The following HCN2 variants were observed in gnomAD, a reference collection of about 807,000 sequenced individuals.
HCN2 encodes hyperpolarization activated cyclic nucleotide gated potassium and sodium channel 2.
Under a neutral mutation model 52.3 loss-of-function variants are expected in HCN2, and 20 were observed. The ratio of observed to expected loss-of-function variants is 0.38; its 90% CI spans 0.27 to 0.56. The LOEUF (loss-of-function observed/expected upper bound fraction) is 0.56, where lower values mean the gene tolerates loss of function less well. Among genes scored for constraint, HCN2 ranks in the 20% least tolerant of loss-of-function variants. HCN2 has a pLI of 0.71. For synonymous variants in HCN2, 694 were observed against 537.0 expected, an observed-to-expected ratio of 1.29 and a Z score of -4.04; for missense variants, 981 against 1,207.7, an observed-to-expected ratio of 0.81 and a Z score of 2.78.
chr19:615,824 G>C lies in HCN2; in HGVS notation c.2020G>C (p.Val674Leu). 6.2e-7 allele frequency: 1 copy of C among 1,612,426 alleles called. No individual in the cohort carries two copies. The highest frequency in any genetic ancestry group is 1.1e-5 in the South Asian group (1 of 90,968). The change falls in exon 8 of 8, where the codon GTG becomes CTG. Residue 674 changes from valine to leucine, a missense_variant. This residue lies in a region of HCN2 where 368 missense variants were observed against 314.8 expected (regional missense o/e 1.17). Transcript: ENST00000251287. ...GKKNSILLHK[V>L]QHDLNSGVFN... ...GAAGAATTCCATCCTCCTGCACAAG[G>C]TGCAGCATGACCTCAACTCGGGCGT...
intron 1 of HCN2, among the ~76,000 whole-genome samples, chr19:598,079 G>A (rs540056491): frequency 5.3e-5 from 8 of 152,298 alleles, no homozygotes; most frequent in Middle Eastern, 3.4e-3. Context: ...GAGCCCCCTC[G>A]GGGCTGAGGG....
intron 1 of HCN2, among the ~76,000 whole-genome samples, chr19:599,888 G>GTGTGTT (rs1983150957): frequency 6.8e-6 from 1 of 147,812 alleles, no homozygotes; most frequent in South Asian, 2.2e-4. Flanking sequence ...GTGTGTGTGT[G>GTGTGTT]TGTGTGTGTC....
At position 616,927 on chromosome 19, in the gene HCN2, G is replaced by A. The variant is rs911768436; in HGVS notation, c.*453G>A. ...TCGCGCTCACGCAATAACCGGCCCG[G>A]CCCCCGTCCGCGCGCGTCCCCCGGT... On this transcript the variant is annotated 3_prime_UTR_variant, in exon 8 of 8. Transcript: ENST00000251287. 1.9e-5 allele frequency: 7 copies of A among 362,890 alleles called. No homozygotes were observed. The highest frequency in any genetic ancestry group is 1.4e-4 in the East Asian group (2 of 13,976). 22.5% of individuals were successfully genotyped at this position (362,890 alleles called of 1,614,324 possible). A position where few individuals can be genotyped will look rare whatever the true frequency, so the allele number is the denominator to read the frequency against.
At chr19:615,693 G>A (rs1568369952) in intron 7 of HCN2, 102 bp from the exon 8 acceptor site, 2 of 1,086,696 alleles carry the variant, frequency 1.8e-6, no homozygotes, top group African/African-American at 1.6e-5. Flanking sequence ...TGCTCTACAC[G>A]GCAAGCACTG....
rs969593003 is a variant in HCN2, at chr19:590,844, G to A, written c.632+267G>A. 4.1e-6 allele frequency: 1 copy of A among 246,006 alleles called. No homozygotes were observed. The highest frequency in any genetic ancestry group is 7.8e-6 in the Non-Finnish European group (1 of 128,954). 15.2% of individuals were successfully genotyped at this position (246,006 alleles called of 1,614,324 possible). On this transcript the variant is annotated intron_variant, in intron 1 of 7. Coordinates refer to ENST00000251287, the MANE Select transcript of HCN2 (RefSeq NM_001194.4). The surrounding 1 kb of genome is among the most constrained non-coding windows in gnomAD (Gnocchi z 7.2). Reference sequence around the variant, plus strand: ...CTCCGCCCTGCGGCGCGGCGGGTGGGGTGGGCCGCAGGGCCAGGGTCTGAG... The same window carrying A: ...CTCCGCCCTGCGGCGCGGCGGGTGGAGTGGGCCGCAGGGCCAGGGTCTGAG...
Position 590,713 on chromosome 19 carries a change from GCGTGTCCGGGACCC to G in HCN2, c.632+137_632+150del. 1 of 602,988 alleles carries G rather than the reference GCGTGTCCGGGACCC, an allele frequency of 1.7e-6. No individual in the cohort carries two copies. Among genetic ancestry groups the G allele is most frequent in the Non-Finnish European group, 2.3e-6 (1 of 426,646 alleles). The allele number at this position is 602,988 out of a possible 1,614,324, so 37.4% of individuals were successfully genotyped here. On this transcript the variant is annotated intron_variant, in intron 1 of 7. Transcript: ENST00000251287. The surrounding 1 kb of genome is among the most constrained non-coding windows in gnomAD (Gnocchi z 7.2). The stretch of plus-strand genomic sequence containing the variant: ...CCTCGGGGCTCCTCGGTGACCTCGG[GCGTGTCCGGGACCC>G]GCCCCGGAGTGACCCCGGCGCGCGA...
chr19:614,806 C>T (rs779035050), intron 7 of HCN2, among the ~76,000 whole-genome samples: 5 of 151,924 alleles, frequency 3.3e-5, no homozygotes, highest in Non-Finnish European at 4.4e-5. Flanking sequence ...GTGACCTGGC[C>T]TCTCAGGGGG....
intron 1 of HCN2, among the ~76,000 whole-genome samples, chr19:596,533 G>A (rs542633285): frequency 1.4e-4 from 21 of 152,222 alleles, no homozygotes; most frequent in African/African-American, 2.9e-4. Context: ...AGGGGCCCTC[G>A]TAGAGGCCTC....
At position 617,080 on chromosome 19, in the gene HCN2, AGTGCCCCCACC is replaced by A. The variant is rs1983999160; in HGVS notation, c.*610_*620del. On this transcript the variant is annotated 3_prime_UTR_variant, in exon 8 of 8. Coordinates refer to ENST00000251287, the MANE Select transcript of HCN2 (RefSeq NM_001194.4). Reference sequence around the variant, plus strand: ...GAATGTACTGACGAGCCGAGGCAGCAGTGCCCCCACCGTGGCCCCCCACGCCCCATTAACCC... The same window carrying A: ...GAATGTACTGACGAGCCGAGGCAGCAGTGGCCCCCCACGCCCCATTAACCC... 2 of 593,526 alleles carry A rather than the reference AGTGCCCCCACC, an allele frequency of 3.4e-6. No homozygotes were observed. The allele number at this position is 593,526 out of a possible 1,614,324, so 36.8% of individuals were successfully genotyped here. A position where few individuals can be genotyped will look rare whatever the true frequency, so the allele number is the denominator to read the frequency against.
At chr19:610,447 A>G (rs777422258) in intron 5 of HCN2, 42 bp downstream of exon 5, 22 of 1,581,530 alleles carry the variant, frequency 1.4e-5, no homozygotes, top group South Asian at 2.2e-5. Flanking sequence ...CCTCCGGTAC[A>G]GGGCCGGCCT....
rs756942158 is a variant in HCN2 at position 605,196 on chromosome 19, T to G, written c.1192T>G (p.Cys398Gly). 6.2e-7 allele frequency: 1 copy of G among 1,610,842 alleles called. No homozygotes were observed. Among genetic ancestry groups the G allele is most frequent in the Non-Finnish European group, 8.5e-7 (1 of 1,179,542 alleles). ...TATGCTGCAGGACTTCCCGCGCAACTGCTGGGTGTCCATCAATGGCATGGT... is the reference window on the plus strand; with the variant it reads ...TATGCTGCAGGACTTCCCGCGCAACGGCTGGGTGTCCATCAATGGCATGGT... ...VPMLQDFPRNCWVSINGMVNH... is the reference protein window; with the variant it reads ...VPMLQDFPRNGWVSINGMVNH... The change falls in exon 3 of 8, where the codon TGC (cysteine) becomes GGC (glycine). Residue 398 changes from cysteine (C) to glycine (G), a missense_variant. Physicochemically the swap from Cys to Gly is radical, Grantham distance 159. Transcript: ENST00000251287.
At position 590,048 on chromosome 19, in the gene HCN2, C is replaced by G. The variant is rs1982817201; in HGVS notation, c.103C>G (p.Pro35Ala). 3.5e-6 allele frequency: 2 copies of G among 570,318 alleles called. No homozygotes were observed. Among genetic ancestry groups the G allele is most frequent in the Non-Finnish European group, 4.3e-6 (2 of 460,416 alleles). The allele number at this position is 570,318 out of a possible 1,614,324, so 35.3% of individuals were successfully genotyped here. A position where few individuals can be genotyped will look rare whatever the true frequency, so the allele number is the denominator to read the frequency against. Residue 35 changes from proline to alanine, a missense_variant, in exon 1 of 8, where the codon CCG becomes GCG. By Grantham distance (27) the Pro-to-Ala change is conservative. This residue lies in a region of HCN2 where 215 missense variants were observed against 179.4 expected (regional missense o/e 1.20). Coordinates refer to ENST00000251287, the MANE Select transcript of HCN2 (RefSeq NM_001194.4). This position sits in a 1 kb window ranked among gnomAD's most constrained non-coding sequence, Gnocchi z 7.2. ...GCCGCCCGCGCCCCCCCAACAGCAG[C>G]CGCCGCCGCCGCCGCCGCCCGCGCC... is the stretch of plus-strand genomic sequence containing the variant. ...PPPPAPPQQQPPPPPPPAPPP... is the reference protein window; with the variant it reads ...PPPPAPPQQQAPPPPPPAPPP...
intron 4 of HCN2, among the ~76,000 whole-genome samples, chr19:609,577 G>A (rs775987927): frequency 4.1e-4 from 63 of 152,356 alleles, no homozygotes; most frequent in Non-Finnish European, 7.9e-4. Context: ...ACCAGCCTGA[G>A]CAACACGGCG....
intron 1 of HCN2, among the ~76,000 whole-genome samples, chr19:599,767 G>C (rs570638404): frequency 2.0e-5 from 3 of 151,964 alleles, no homozygotes; most frequent in African/African-American, 7.3e-5. Flanking sequence ...CAGCCTGGGC[G>C]ACAGAGTGAG....
rs772588687 is a variant in HCN2, at chr19:616,000, G to A, written c.2196G>A (p.Gln732=). Residue 732 remains glutamine, a synonymous_variant, in exon 8 of 8, where the codon CAG becomes CAA. Transcript: ENST00000251287. ...CCTCGGCCATCGCCACGCTGCAGCA[G>A]GCGGCGGCCATGAGCTTCTGCCCGC... The part of the protein sequence containing the change: ...QVTSAIATLQ[Q]AAAMSFCPQV... 3.9e-6 allele frequency: 6 copies of A among 1,556,244 alleles called. No homozygotes were observed. In the South Asian group the frequency reaches 5.8e-5, roughly 15 times the overall value.
intron 4 of HCN2, among the ~76,000 whole-genome samples, chr19:609,351 A>G (rs2144524300): frequency 6.6e-6 from 1 of 152,214 alleles, no homozygotes; most frequent in South Asian, 2.1e-4. Context: ...GTTTCTGGAA[A>G]GATCATCAGG....
At chr19:609,670 G>A (rs1983540964) in intron 4 of HCN2, among the ~76,000 whole-genome samples, 1 of 152,198 alleles carries the variant, frequency 6.6e-6, no homozygotes, top group Non-Finnish European at 1.5e-5. Context: ...GGAGGCCGAG[G>A]TGGGAGGATC....
In HCN2 at chr19:616,190, G is replaced by C. The variant is rs1426212293; in HGVS notation, c.2386G>C (p.Gly796Arg). ...CCGGGCACCGCGGACCTCGCCCTAC[G>C]GCGGCCTGCCCGCCGCCCCCCTTGC... is the stretch of plus-strand genomic sequence containing the variant. ...SPRAPRTSPY[G>R]GLPAAPLAGP... The change falls in exon 8 of 8, where the codon GGC (glycine) becomes CGC (arginine). Residue 796 changes from glycine to arginine, a missense_variant. Physicochemically the swap from Gly to Arg is moderately radical, Grantham distance 125 (BLOSUM62 -2). This residue lies in a region of HCN2 where 368 missense variants were observed against 314.8 expected (regional missense o/e 1.17). Coordinates refer to ENST00000251287, the MANE Select transcript of HCN2 (RefSeq NM_001194.4). The C allele has an allele frequency of 1.0e-6, 1 of 965,260 alleles. No individual in the cohort carries two copies. The allele number at this position is 965,260 out of a possible 1,614,324, so 59.8% of individuals were successfully genotyped here.
At chr19:599,095 G>C (rs1600520656) in intron 1 of HCN2, among the ~76,000 whole-genome samples, 2 of 152,400 alleles carry the variant, frequency 1.3e-5, no homozygotes, top group South Asian at 4.1e-4. Flanking sequence ...TCTGGCTGAT[G>C]CCACCACGAT....
Sources: gnomAD v4.1 joint callset for allele counts (sites outside exome capture counted in the v4.1 genomes callset) on GRCh38, gnomAD v4.1.1 for gene constraint, gnomAD v4.1.1 regional missense constraint, Gnocchi (gnomAD v3.1) non-coding constraint, MANE v1.5 for transcripts, NCBI Gene and HGNC (gene_info 2026-07-23, HGNC 2026-07-21) for gene names.